Variants in TERB2 observed in about 807,000 individuals in gnomAD.
The protein encoded by TERB2 is telomere repeat binding bouquet formation protein 2, also known as telomere repeats-binding bouquet formation protein 2.
TERB2 carries 26 observed loss-of-function variants against 29.8 expected under a neutral mutation model. The observed-to-expected ratio is 0.87, with a 90% CI of 0.64 to 1.21. TERB2 has a LOEUF of 1.21. Among genes scored for constraint, TERB2 ranks in the 50% most tolerant of loss-of-function variants. The pLI is 0.00. For synonymous variants in TERB2, 80 were observed against 90.8 expected (o/e 0.88, Z 0.68); for missense variants, 240 against 268.6 (o/e 0.89, Z 0.74).
chr15:44,964,464 T>C (rs905416153), intron 4 of TERB2, among the ~76,000 whole-genome samples: 13 of 152,154 alleles, frequency 8.5e-5, no homozygotes, highest in African/African-American at 3.1e-4. Flanking sequence ...TTGGTGGTAA[T>C]TATTGACTCT....
intron 2 of TERB2, among the ~76,000 whole-genome samples, 153 bp from the exon 3 acceptor site, chr15:44,958,220 A>C (rs1350499289): frequency 6.6e-6 from 1 of 152,216 alleles, no homozygotes; most frequent in African/African-American, 2.4e-5. Flanking sequence ...ATCTTATGCC[A>C]TATGTTTTTC....
intron 3 of TERB2, among the ~76,000 whole-genome samples, chr15:44,958,946 A>C (rs1386421521): frequency 6.6e-6 from 1 of 152,210 alleles, no homozygotes; most frequent in Non-Finnish European, 1.5e-5. Flanking sequence ...TGGGAAACTG[A>C]GGCGGGCAGA....
At position 44,978,651 on chromosome 15, in the gene TERB2, G is replaced by A; in HGVS notation, c.*23G>A. 6.4e-7 allele frequency: 1 copy of A among 1,558,850 alleles called. No individual in the cohort carries two copies. The highest frequency in any genetic ancestry group is 8.7e-7 in the Non-Finnish European group (1 of 1,152,932). On this transcript the variant is annotated 3_prime_UTR_variant, in exon 7 of 7. Transcript: ENST00000340827. ...TAGTAAATTAAATTGTAAATACCTTGGCATTTATTTTCTATAAAATATTAT... is the reference window on the plus strand; with the variant it reads ...TAGTAAATTAAATTGTAAATACCTTAGCATTTATTTTCTATAAAATATTAT...
chr15:44,967,303 G>T (rs1413235413), intron 5 of TERB2, among the ~76,000 whole-genome samples: 1 of 152,166 alleles, frequency 6.6e-6, no homozygotes, highest in African/African-American at 2.4e-5. Flanking sequence ...ACCTGTGGCC[G>T]GAGTCAATCT....
At chr15:44,968,364 T>C (rs1166131809) in intron 5 of TERB2, among the ~76,000 whole-genome samples, 2 of 151,892 alleles carry the variant, frequency 1.3e-5, no homozygotes, top group Non-Finnish European at 2.9e-5. Flanking sequence ...TACAGGCACA[T>C]GCCACCCCAC....
chr15:44,973,766 ATTATAAATATTTAT>A (rs1269899801), intron 5 of TERB2, 87 bp from the exon 6 acceptor site: 10 of 799,586 alleles, frequency 1.3e-5, no homozygotes, highest in Non-Finnish European at 1.1e-5. Flanking sequence ...GTAATTATGT[ATTATAAATATTTAT>A]TTATAAATAT....
chr15:44,958,201 G>A (rs2141237932), intron 2 of TERB2, among the ~76,000 whole-genome samples, 172 bp from the exon 3 acceptor site: 1 of 152,312 alleles, frequency 6.6e-6, no homozygotes, highest in South Asian at 2.1e-4. Flanking sequence ...TAGGCCCCCA[G>A]AAAAGAGTAT....
In TERB2 at chr15:44,956,905, G is replaced by T. The variant is rs371121909; in HGVS notation, c.74G>T (p.Gly25Val). 81 of 1,613,948 alleles carry T rather than the reference G, an allele frequency of 5.0e-5. No homozygotes were observed. The highest frequency in any genetic ancestry group is 6.7e-5 in the Non-Finnish European group (79 of 1,180,004). Reference protein sequence around the residue: ...QDLRQFWVAEGGTISDPRAAD... With the variant: ...QDLRQFWVAEVGTISDPRAAD... The stretch of plus-strand genomic sequence containing the variant: ...GCTCTTACCTCCACAGTGGCTGAAG[G>T]GGGAACGATCAGTGACCCGCGAGCC... The change falls in exon 2 of 7, where the codon GGG becomes GTG. Residue 25 changes from glycine to valine, a missense_variant. Coordinates refer to ENST00000340827, the MANE Select transcript of TERB2 (RefSeq NM_152448.3).
chr15:44,969,907 T>G (rs747060362), intron 5 of TERB2: 4 of 151,820 alleles, frequency 2.6e-5, no homozygotes, highest in Non-Finnish European at 5.9e-5. Context: ...TATGTTCAAA[T>G]GCATATACTA....
intron 6 of TERB2, among the ~76,000 whole-genome samples, chr15:44,977,863 A>G (rs1892067717): frequency 6.6e-6 from 1 of 152,182 alleles, no homozygotes; most frequent in Non-Finnish European, 1.5e-5. Context: ...ATAGTAAGCA[A>G]TTGATATCAA....
chr15:44,974,154 C>T (rs1892010566), intron 6 of TERB2, among the ~76,000 whole-genome samples, 199 bp downstream of exon 6: 1 of 152,110 alleles, frequency 6.6e-6, no homozygotes, highest in Admixed American at 6.6e-5. Context: ...ATTTTCTGTG[C>T]TAAAACAATG....
At chr15:44,961,807 C>G (rs1170887639) in intron 4 of TERB2, among the ~76,000 whole-genome samples, 1 of 152,166 alleles carries the variant, frequency 6.6e-6, no homozygotes, top group Non-Finnish European at 1.5e-5. Context: ...TCAAGCGATT[C>G]TCCTGCCTCA....
At position 44,956,898 on chromosome 15, in the gene TERB2, G is replaced by C; in HGVS notation, c.67G>C (p.Ala23Pro). Residue 23 changes from alanine (A) to proline (P), a missense_variant and splice_region_variant, in exon 2 of 7, where the codon GCT becomes CCT. Physicochemically the swap from Ala to Pro is conservative, Grantham distance 27 (BLOSUM62 -1). Transcript: ENST00000340827. ...VSQDLRQFWV[A>P]EGGTISDPRA... is the part of the protein sequence containing the mutation. ...ACCCTGTGCTCTTACCTCCACAGTGGCTGAAGGGGGAACGATCAGTGACCC... is the reference window on the plus strand; with the variant it reads ...ACCCTGTGCTCTTACCTCCACAGTGCCTGAAGGGGGAACGATCAGTGACCC... 1 of 1,614,094 alleles carries C rather than the reference G, an allele frequency of 6.2e-7. No homozygotes were observed. The highest frequency in any genetic ancestry group is 8.5e-7 in the Non-Finnish European group (1 of 1,179,990).
Position 44,961,704 on chromosome 15 carries a change from G to T in TERB2, c.348+120G>T, listed in dbSNP as rs944814742. 1.3e-5 allele frequency: 8 copies of T among 636,574 alleles called. No individual in the cohort carries two copies. The African/African-American group carries it at 1.4e-4, about 11-fold the overall frequency. 39.4% of individuals were successfully genotyped at this position (636,574 alleles called of 1,614,324 possible). ...CACCAATGAGTCAGATTAAGAGATTGATTTATTTATTTTGAGACGGAGTCT... is the reference window on the plus strand; with the variant it reads ...CACCAATGAGTCAGATTAAGAGATTTATTTATTTATTTTGAGACGGAGTCT... On this transcript the variant is annotated intron_variant, in intron 4 of 6. Transcript: ENST00000340827.
intron 1 of TERB2, 25 bp downstream of exon 1, chr15:44,956,807 G>A: frequency 6.2e-7 from 1 of 1,613,434 alleles, no homozygotes; most frequent in Non-Finnish European, 8.5e-7. Flanking sequence ...GGAAGCAGCG[G>A]GTTAGGTGGT....
At chr15:44,972,633 A>G (rs561609502) in intron 5 of TERB2, among the ~76,000 whole-genome samples, 2 of 150,756 alleles carry the variant, frequency 1.3e-5, no homozygotes, top group African/African-American at 4.9e-5. Context: ...CTCTTGCCTC[A>G]GCCTCCCGAA....
intron 3 of TERB2, among the ~76,000 whole-genome samples, chr15:44,960,910 T>A (rs2141239109): frequency 6.6e-6 from 1 of 152,178 alleles, no homozygotes; most frequent in African/African-American, 2.4e-5. Flanking sequence ...ATATTGTTAA[T>A]CCATCCTTCA....
At chr15:44,963,804 CTTTTTTT>C (rs34438861) in intron 4 of TERB2, among the ~76,000 whole-genome samples, 10 of 79,166 alleles carry the variant, frequency 1.3e-4, no homozygotes, top group South Asian at 4.2e-4. Context: ...TTATACTATT[CTTTTTTT>C]TTTTTTTTTT....
intron 5 of TERB2, among the ~76,000 whole-genome samples, chr15:44,969,814 T>A (rs1480696300): frequency 6.1e-5 from 9 of 148,586 alleles, no homozygotes; most frequent in Admixed American, 2.7e-4. Flanking sequence ...AAAAAAAAAA[T>A]TAGTAGCATA....
Sources: allele counts gnomAD v4.1 joint callset (sites outside exome capture counted in the v4.1 genomes callset), GRCh38; gene constraint gnomAD v4.1.1; transcripts MANE v1.5; gene names NCBI Gene and HGNC (gene_info 2026-07-23, HGNC 2026-07-21).